ATP1B1: variants seen among roughly 807,000 people sequenced by gnomAD.
The protein encoded by ATP1B1 is sodium/potassium-transporting ATPase subunit beta-1.
A neutral mutation model predicts 39.6 loss-of-function variants in ATP1B1; 3 were observed. The observed-to-expected ratio is 0.08, with a 90% CI of 0.03 to 0.20. The LOEUF (loss-of-function observed/expected upper bound fraction) is 0.20, where lower values mean the gene tolerates loss of function less well. Ranked by LOEUF, ATP1B1 falls within the 10% of genes least tolerant of loss-of-function variation. The probability of loss-of-function intolerance (pLI) is 1.00; values close to 1 mark genes in which losing one functional copy is unlikely to be tolerated. For synonymous variants in ATP1B1, 139 were observed against 135.0 expected (o/e 1.03, Z -0.20); for missense variants, 216 against 371.1 (o/e 0.58, Z 3.43).
At chr1:169,128,187 C>CT (rs1453368011) in intron 4 of ATP1B1, among the ~76,000 whole-genome samples, 1 of 152,192 alleles carries the variant, frequency 6.6e-6, no homozygotes. Context: ...AGCCTGGCTT[C>CT]TTCTGGCAGG....
At chr1:169,128,297 C>T (rs1266540703) in intron 4 of ATP1B1, among the ~76,000 whole-genome samples, 1 of 152,112 alleles carries the variant, frequency 6.6e-6, no homozygotes, top group Non-Finnish European at 1.5e-5. Context: ...TGAACAAACT[C>T]ATTTCATTTC....
chr1:169,130,103 T>A lies in ATP1B1; in HGVS notation c.648+13T>A, dbSNP rs1571228915. The stretch of plus-strand genomic sequence containing the variant: ...GTGCACTGGCAAGGTAAAGACAAAT[T>A]TAGGGTTACTGGGGTGGTGGAAGGG... On this transcript the variant is annotated intron_variant, in intron 5 of 5. Coordinates refer to ENST00000367815, the MANE Select transcript of ATP1B1 (RefSeq NM_001677.4). 1.2e-6 allele frequency: 2 copies of A among 1,612,246 alleles called. No homozygotes were observed. Among genetic ancestry groups the A allele is most frequent in the Non-Finnish European group, 1.7e-6 (2 of 1,178,626 alleles).
chr1:169,119,956 C>G (rs1657939042), intron 2 of ATP1B1, among the ~76,000 whole-genome samples: 1 of 151,838 alleles, frequency 6.6e-6, no homozygotes, highest in Admixed American at 6.6e-5. Context: ...TTGTGAGTAT[C>G]TAGTTGCTTT....
intron 4 of ATP1B1, among the ~76,000 whole-genome samples, chr1:169,127,926 G>A (rs957338029): frequency 1.3e-5 from 2 of 152,044 alleles, no homozygotes; most frequent in African/African-American, 4.8e-5. Flanking sequence ...ATTTTATTGC[G>A]GAAGTAGAAG....
intron 1 of ATP1B1, among the ~76,000 whole-genome samples, chr1:169,108,766 T>A (rs1205316153): frequency 6.6e-6 from 1 of 152,190 alleles, no homozygotes; most frequent in Non-Finnish European, 1.5e-5. Flanking sequence ...AAGCTATCAG[T>A]ATGCTGATTT....
At chr1:169,123,734 C>G (rs12568473) in intron 2 of ATP1B1, among the ~76,000 whole-genome samples, 15,740 of 151,784 alleles carry the variant, frequency 0.1, 1,086 homozygotes, top group Admixed American at 0.21. Flanking sequence ...TCAAGTGATT[C>G]TCCTGCCTCA....
chr1:169,129,866 C>A, intron 4 of ATP1B1, 144 bp from the exon 5 acceptor site: 1 of 646,086 alleles, frequency 1.5e-6, no homozygotes, highest in Non-Finnish European at 2.5e-6. Flanking sequence ...GGGAGTCATT[C>A]ATTCTGCTGT....
At chr1:169,127,100 A>G (rs1048725099) in intron 3 of ATP1B1, 124 bp from the exon 4 acceptor site, 26 of 984,122 alleles carry the variant, frequency 2.6e-5, no homozygotes, top group African/African-American at 2.4e-4. Context: ...AATTCAGATC[A>G]TGCATTAAAT....
chr1:169,106,756 GCGCAGAGGACGCCAGGGCGCGCGC>G lies in ATP1B1; in HGVS notation c.-68_-45del. The stretch of plus-strand genomic sequence containing the variant: ...AGAGCCAGGCCGGAGAAGCCGAGCG[GCGCAGAGGACGCCAGGGCGCGCGC>G]CGCAGCCACCCACCCTCCGGACCGC... On this transcript the variant is annotated 5_prime_UTR_variant, in exon 1 of 6. Coordinates refer to ENST00000367815, the MANE Select transcript of ATP1B1 (RefSeq NM_001677.4). 2 of 1,269,508 alleles carry G rather than the reference GCGCAGAGGACGCCAGGGCGCGCGC, an allele frequency of 1.6e-6. No individual in the cohort carries two copies. Among genetic ancestry groups the G allele is most frequent in the Non-Finnish European group, 2.2e-6 (2 of 921,952 alleles). 78.6% of individuals were successfully genotyped at this position (1,269,508 alleles called of 1,614,324 possible).
intron 3 of ATP1B1, among the ~76,000 whole-genome samples, chr1:169,126,102 C>T (rs1483906681): frequency 6.6e-6 from 1 of 152,166 alleles, no homozygotes; most frequent in Non-Finnish European, 1.5e-5. Flanking sequence ...GTGGCTTGGT[C>T]AGAGTATGGG....
chr1:169,110,347 T>C (rs977590523), intron 1 of ATP1B1, among the ~76,000 whole-genome samples: 1 of 152,184 alleles, frequency 6.6e-6, no homozygotes, highest in African/African-American at 2.4e-5. Flanking sequence ...GATCTGGACC[T>C]TTTTAGCAGT....
At chr1:169,117,028 C>T (rs556796565) in intron 2 of ATP1B1, among the ~76,000 whole-genome samples, 144 of 152,192 alleles carry the variant, frequency 9.5e-4, no homozygotes, top group Non-Finnish European at 1.7e-3. Flanking sequence ...CTCTCACTCA[C>T]ACTTCAAAGG....
intron 2 of ATP1B1, among the ~76,000 whole-genome samples, chr1:169,114,850 C>A (rs908999242): frequency 6.6e-6 from 1 of 151,684 alleles, no homozygotes; most frequent in African/African-American, 2.4e-5. Context: ...ATAGCAAGAC[C>A]CCATATCCAC....
chr1:169,112,427 G>T (rs936693437), intron 2 of ATP1B1, among the ~76,000 whole-genome samples: 2 of 152,228 alleles, frequency 1.3e-5, no homozygotes, highest in African/African-American at 4.8e-5. Flanking sequence ...ATAACTTCCG[G>T]GCTCTCACTT....
rs1009913891 is a variant in ATP1B1, at chr1:169,107,484, C to G, written c.97+558C>G. On this transcript the variant is annotated intron_variant, in intron 1 of 5. Transcript: ENST00000367815. ...GGCTAAGGATTTCCCTCCATGACCT[C>G]CCCTGGAGTCATCACCACCCAGAAA... Among the ~76,000 whole-genome samples, 8 of 152,166 alleles carry G rather than the reference C, an allele frequency of 5.3e-5. No individual in the cohort carries two copies. The East Asian group carries it at 5.8e-4, about 11-fold the overall frequency.
At chr1:169,117,423 G>A (rs1471570085) in intron 2 of ATP1B1, among the ~76,000 whole-genome samples, 2 of 152,130 alleles carry the variant, frequency 1.3e-5, no homozygotes, top group African/African-American at 4.8e-5. Flanking sequence ...CATCTCTTGG[G>A]TACACAGGAA....
chr1:169,114,022 G>C (rs1436083631), intron 2 of ATP1B1, among the ~76,000 whole-genome samples: 1 of 152,058 alleles, frequency 6.6e-6, no homozygotes, highest in Non-Finnish European at 1.5e-5. Flanking sequence ...CAGTAACCTT[G>C]ATCAGGCCAG....
At chr1:169,120,115 G>C (rs1279067223) in intron 2 of ATP1B1, among the ~76,000 whole-genome samples, 1 of 152,102 alleles carries the variant, frequency 6.6e-6, no homozygotes, top group Non-Finnish European at 1.5e-5. Flanking sequence ...TCAGGCTTCG[G>C]ATAAAGAAAA....
rs1658209716 is a variant in ATP1B1, at chr1:169,131,070, G to T, written c.649-222G>T. Among the ~76,000 whole-genome samples, 1 of 152,176 alleles carries T rather than the reference G, an allele frequency of 6.6e-6. No homozygotes were observed. The highest frequency in any genetic ancestry group is 1.5e-5 in the Non-Finnish European group (1 of 68,036). ...TGGCCTTGTTTCTAGGAGGCTTGAA[G>T]AATGCTTATTTGGCATTTGACTCAG... is the stretch of plus-strand genomic sequence containing the variant. On this transcript the variant is annotated intron_variant, in intron 5 of 5. Coordinates refer to ENST00000367815, the MANE Select transcript of ATP1B1 (RefSeq NM_001677.4). This position sits in a 1 kb window ranked among gnomAD's most constrained non-coding sequence, Gnocchi z 4.4.
Sources: allele counts gnomAD v4.1 joint callset (sites outside exome capture counted in the v4.1 genomes callset), GRCh38; gene constraint gnomAD v4.1.1; non-coding constraint Gnocchi (gnomAD v3.1); transcripts MANE v1.5; gene names NCBI Gene and HGNC (gene_info 2026-07-23, HGNC 2026-07-21).